Variants in CHLSN observed in about 807,000 individuals in gnomAD.
CHLSN encodes the protein cholesin.
the CHLSN span, among the ~76,000 whole-genome samples, chr7:990,704 G>T: frequency 0.023 from 3,434 of 152,226 alleles, 129 homozygotes; most frequent in African/African-American, 0.078. Flanking sequence ...CCTATTTCTG[G>T]GGAAGAGCAG....
the CHLSN span, among the ~76,000 whole-genome samples, chr7:1,107,217 T>C: frequency 6.6e-6 from 1 of 152,200 alleles, no homozygotes; most frequent in African/African-American, 2.4e-5. Flanking sequence ...CGCTTAGCCC[T>C]GTCTGCAACC....
the CHLSN span, among the ~76,000 whole-genome samples, chr7:1,133,451 A>T: frequency 6.6e-6 from 1 of 151,742 alleles, no homozygotes; most frequent in Non-Finnish European, 1.5e-5. Flanking sequence ...TAAATTTAAA[A>T]ATGTAACACC....
chr7:1,028,459 G>A, the CHLSN span: 1 of 985,376 alleles, frequency 1.0e-6, no homozygotes, highest in Non-Finnish European at 1.2e-6. Flanking sequence ...ACCTCGGCGC[G>A]GGGGTGGGAG....
chr7:984,626 C>T, the CHLSN span: 2 of 1,519,214 alleles, frequency 1.3e-6, no homozygotes, highest in South Asian at 1.2e-5. Context: ...GGCACCTGGA[C>T]CCCAGGAGGG....
chr7:1,115,089 G>A, the CHLSN span, among the ~76,000 whole-genome samples: 2 of 152,218 alleles, frequency 1.3e-5, no homozygotes, highest in Admixed American at 6.5e-5. Flanking sequence ...ATGCTTTGGC[G>A]GAGACAATTC....
the CHLSN span, chr7:997,410 C>T: frequency 1.9e-6 from 1 of 514,462 alleles, no homozygotes; most frequent in South Asian, 3.0e-5. Flanking sequence ...ATCACTGTCA[C>T]AGCCGTCACC....
chr7:984,791 A>G, the CHLSN span, among the ~76,000 whole-genome samples: 1 of 152,094 alleles, frequency 6.6e-6, no homozygotes, highest in African/African-American at 2.4e-5. Flanking sequence ...TCCCAAGTCA[A>G]GAGGGGCCAG....
chr7:1,105,467 G>C, the CHLSN span, among the ~76,000 whole-genome samples: 7 of 152,134 alleles, frequency 4.6e-5, no homozygotes, highest in African/African-American at 9.7e-5. Context: ...AGCAGCAAAG[G>C]AATCAATGAA....
At chr7:1,089,571 A>T in the CHLSN span, among the ~76,000 whole-genome samples, 1 of 151,794 alleles carries the variant, frequency 6.6e-6, no homozygotes, top group Admixed American at 6.6e-5. Flanking sequence ...GGCGCACACC[A>T]CTATGCCCAG....
the CHLSN span, chr7:1,021,242 C>T: frequency 8.0e-6 from 3 of 373,286 alleles, no homozygotes; most frequent in Non-Finnish European, 1.1e-5. Flanking sequence ...AGGTTGGGAA[C>T]CTCCAGGCTG....
At chr7:1,134,645 G>C in the CHLSN span, among the ~76,000 whole-genome samples, 5 of 152,028 alleles carry the variant, frequency 3.3e-5, no homozygotes, top group African/African-American at 1.2e-4. Flanking sequence ...GAGACAGGCA[G>C]ATCACAAGGT....
At chr7:1,050,503 C>T in the CHLSN span, among the ~76,000 whole-genome samples, 1 of 152,220 alleles carries the variant, frequency 6.6e-6, no homozygotes, top group African/African-American at 2.4e-5. Context: ...CTCAAGCTGC[C>T]CCAGCTTCTC....
chr7:1,052,593 C>A, the CHLSN span, among the ~76,000 whole-genome samples: 1 of 152,186 alleles, frequency 6.6e-6, no homozygotes, highest in African/African-American at 2.4e-5. This position sits in a 1 kb window ranked among gnomAD's most constrained non-coding sequence, Gnocchi z 4.2. Flanking sequence ...TGGCCAGGAA[C>A]TGGGGGAGAA....
chr7:1,050,127 C>T, the CHLSN span, among the ~76,000 whole-genome samples: 1 of 152,230 alleles, frequency 6.6e-6, no homozygotes. Context: ...TCAGCACAGG[C>T]CTACGGGCTC....
the CHLSN span, among the ~76,000 whole-genome samples, chr7:1,011,034 GC>G: frequency 1.3e-5 from 2 of 150,028 alleles, no homozygotes; most frequent in African/African-American, 4.9e-5. Context: ...AGTGAGGCAA[GC>G]CCCCCTACAT....
At chr7:1,016,854 AG>A in the CHLSN span, among the ~76,000 whole-genome samples, 1 of 87,632 alleles carries the variant, frequency 1.1e-5, no homozygotes. Context: ...AGCACACAGC[AG>A]CACACAGCAC....
chr7:1,136,279 TATATATAAATATATATAAAC>T, the CHLSN span, among the ~76,000 whole-genome samples: 8 of 110,064 alleles, frequency 7.3e-5, no homozygotes, highest in East Asian at 7.3e-4. Context: ...ATATATAAAA[TATATATAAATATATATAAAC>T]ATATATAAAT....
chr7:1,118,799 C>CAAAAAA, the CHLSN span, among the ~76,000 whole-genome samples: 45 of 76,228 alleles, frequency 5.9e-4, no homozygotes, highest in Non-Finnish European at 6.3e-4. Context: ...CCATCTCTAC[C>CAAAAAA]AAAAAAAAAA....
the CHLSN span, chr7:984,489 G>A: frequency 3.3e-5 from 52 of 1,552,500 alleles, no homozygotes; most frequent in East Asian, 4.8e-5. Flanking sequence ...GGTTCGAGGC[G>A]GTCAAAGAGG....
Sources: allele counts gnomAD v4.1 joint callset (sites outside exome capture counted in the v4.1 genomes callset), GRCh38; gene constraint gnomAD v4.1.1; non-coding constraint Gnocchi (gnomAD v3.1); transcripts MANE v1.5; gene names NCBI Gene and HGNC (gene_info 2026-07-23, HGNC 2026-07-21).